The following CTNNA2 variants were observed in gnomAD, a reference collection of about 807,000 sequenced individuals.
CTNNA2 encodes catenin alpha 2, also known as catenin alpha-2.
In CTNNA2, 42 loss-of-function variants were observed where a neutral mutation model predicts 101.0. The ratio of observed to expected loss-of-function variants is 0.42; its 90% CI spans 0.32 to 0.54. The LOEUF is 0.54. CTNNA2 is among the 20% of genes least tolerant of loss of function. The pLI, the probability that CTNNA2 is intolerant of heterozygous loss-of-function variation, is 0.14. For missense variants in CTNNA2, 871 were observed against 1,223.1 expected (o/e 0.71, Z 4.29); for synonymous variants, 450 against 456.4 (o/e 0.99, Z 0.18).
At chr2:79,609,538 A>G (rs1343565314) in intron 1 of CTNNA2, among the ~76,000 whole-genome samples, 6 of 152,072 alleles carry the variant, frequency 3.9e-5, no homozygotes, top group African/African-American at 1.2e-4. Context: ...ACAGTATGTG[A>G]CTCAAGACTT....
chr2:80,046,538 C>CTT (rs35625146), intron 7 of CTNNA2, among the ~76,000 whole-genome samples: 1 of 151,958 alleles, frequency 6.6e-6, no homozygotes, highest in African/African-American at 2.4e-5. Flanking sequence ...GGTGTTCAAA[C>CTT]TTTTTTTACA....
rs182259661 is a variant in CTNNA2 at position 80,570,111 on chromosome 2, C to T, written c.1742-4052C>T. 7.0e-3 allele frequency among the ~76,000 whole-genome samples: 1,061 copies of T among 152,168 alleles called. 9 individuals are homozygous for T. Among genetic ancestry groups the T allele is most frequent in the South Asian group, 0.013 (64 of 4,810 alleles). On this transcript the variant is annotated intron_variant, in intron 12 of 18. Transcript: ENST00000402739. Reference sequence around the variant, plus strand: ...TTGCCCAGGCTGAAGTTCAGTGGTGCGATCTTGGTTCACTGCAACCTCTGC... The same window carrying T: ...TTGCCCAGGCTGAAGTTCAGTGGTGTGATCTTGGTTCACTGCAACCTCTGC...
chr2:79,828,316 A>C (rs1178232616), intron 3 of CTNNA2, among the ~76,000 whole-genome samples: 2 of 152,236 alleles, frequency 1.3e-5, no homozygotes, highest in South Asian at 2.1e-4. Flanking sequence ...ATTTTGAGAC[A>C]TATCCATTAT....
intron 4 of CTNNA2, among the ~76,000 whole-genome samples, chr2:79,451,483 C>T (rs1558669534): frequency 6.6e-6 from 1 of 151,812 alleles, no homozygotes; most frequent in Non-Finnish European, 1.5e-5. Context: ...AACTCAGCAA[C>T]CCTCAGGAAC....
intron 7 of CTNNA2, among the ~76,000 whole-genome samples, chr2:80,162,263 G>GA (rs1315735747): frequency 6.6e-6 from 1 of 152,140 alleles, no homozygotes; most frequent in Non-Finnish European, 1.5e-5. Context: ...ACCCTGAGGT[G>GA]AAAGGTTATT....
chr2:80,319,706 C>G (rs138444685), intron 7 of CTNNA2, among the ~76,000 whole-genome samples: 2 of 152,238 alleles, frequency 1.3e-5, no homozygotes, highest in East Asian at 3.9e-4. Context: ...CACCTAGCAC[C>G]CCATCCCAGG....
chr2:79,948,892 C>T (rs561206742), intron 7 of CTNNA2, among the ~76,000 whole-genome samples: 158 of 152,184 alleles, frequency 1.0e-3, no homozygotes, highest in African/African-American at 2.7e-3. Context: ...GGCGTGAACC[C>T]GGGAGGCGGA....
chr2:80,346,028 A>T (rs879326653), intron 7 of CTNNA2, among the ~76,000 whole-genome samples: 2 of 152,226 alleles, frequency 1.3e-5, no homozygotes, highest in Admixed American at 1.3e-4. Context: ...AGAAAGATAA[A>T]ACTGGAACTC....
chr2:80,356,814 C>T (rs75532511), intron 7 of CTNNA2, among the ~76,000 whole-genome samples: 1,639 of 152,254 alleles, frequency 0.011, 18 homozygotes, highest in South Asian at 0.057. Context: ...TTTTTCTTGT[C>T]TCTCAACTAG....
chr2:79,189,324 T>A (rs1673822372), intron 1 of CTNNA2, among the ~76,000 whole-genome samples: 1 of 152,216 alleles, frequency 6.6e-6, no homozygotes. Context: ...TTTTACAGAT[T>A]TTTTTCAAAG....
At chr2:79,944,378 T>G (rs373480078) in intron 7 of CTNNA2, among the ~76,000 whole-genome samples, 1 of 152,234 alleles carries the variant, frequency 6.6e-6, no homozygotes, top group Non-Finnish European at 1.5e-5. Context: ...AAGTCATATA[T>G]GTACCCAACT....
At chr2:79,502,352 A>C (rs533555453) in intron 4 of CTNNA2, among the ~76,000 whole-genome samples, 1 of 152,310 alleles carries the variant, frequency 6.6e-6, no homozygotes, top group Admixed American at 6.5e-5. Flanking sequence ...GCTTATATTT[A>C]ATAATGTTGA....
chr2:79,957,750 T>G (rs940177707), intron 7 of CTNNA2, among the ~76,000 whole-genome samples: 2 of 152,240 alleles, frequency 1.3e-5, no homozygotes, highest in Non-Finnish European at 2.9e-5. Context: ...TTTCTCAGAT[T>G]TGTTGAGAAG....
intron 18 of CTNNA2, among the ~76,000 whole-genome samples, chr2:80,628,514 A>ATT (rs1671933096): frequency 6.6e-6 from 1 of 151,580 alleles, no homozygotes; most frequent in Non-Finnish European, 1.5e-5. Flanking sequence ...TGTTGGGAAA[A>ATT]CTGGCTAACC....
At position 80,517,679 on chromosome 2, in the gene CTNNA2, G is replaced by A. The variant is rs143725481; in HGVS notation, c.1291-27303G>A. Reference sequence around the variant, plus strand: ...TTGTAGAGAGAATGTCTAGAGCCGAGAGTAATATTGGGGAATCCTGCCACA... The same window carrying A: ...TTGTAGAGAGAATGTCTAGAGCCGAAAGTAATATTGGGGAATCCTGCCACA... On this transcript the variant is annotated intron_variant, in intron 9 of 18. Transcript: ENST00000402739. Among the ~76,000 whole-genome samples the A allele has an allele frequency of 9.8e-5, 15 of 152,310 alleles. No homozygotes were observed. In the East Asian group the frequency reaches 2.9e-3, roughly 29 times the overall value.
At chr2:80,149,038 T>A (rs1440300954) in intron 7 of CTNNA2, among the ~76,000 whole-genome samples, 1 of 151,478 alleles carries the variant, frequency 6.6e-6, no homozygotes, top group South Asian at 2.1e-4. Context: ...TTTTTTTTTT[T>A]TTTTTTTAAG....
chr2:80,456,526 A>C (rs1401155301), intron 9 of CTNNA2, among the ~76,000 whole-genome samples: 1 of 152,212 alleles, frequency 6.6e-6, no homozygotes, highest in East Asian at 1.9e-4. Context: ...TGTAGCTTGT[A>C]TGAGTTCTCA....
chr2:79,693,573 G>A (rs1187699757), intron 2 of CTNNA2, among the ~76,000 whole-genome samples: 1 of 151,792 alleles, frequency 6.6e-6, no homozygotes, highest in Non-Finnish European at 1.5e-5. Context: ...AGAAAGAGTG[G>A]GAAAATCACT....
At chr2:79,796,347 A>T (rs1675694473) in intron 3 of CTNNA2, among the ~76,000 whole-genome samples, 1 of 143,696 alleles carries the variant, frequency 7.0e-6, no homozygotes, top group African/African-American at 2.7e-5. Context: ...GAGAGCCGCG[A>T]TTGCGCCGCT....
Sources: allele counts gnomAD v4.1 joint callset (sites outside exome capture counted in the v4.1 genomes callset), GRCh38; gene constraint gnomAD v4.1.1; transcripts MANE v1.5; gene names NCBI Gene and HGNC (gene_info 2026-07-23, HGNC 2026-07-21).